The following PCDHAC1 variants were observed in gnomAD, a reference collection of about 807,000 sequenced individuals.
PCDHAC1 encodes protocadherin alpha subfamily C, 1.
Under a neutral mutation model 60.0 loss-of-function variants are expected in PCDHAC1, and 42 were observed. The ratio of observed to expected loss-of-function variants is 0.70; its 90% CI spans 0.55 to 0.90. PCDHAC1 has a LOEUF of 0.90. PCDHAC1 is among the 40% of genes least tolerant of loss of function. PCDHAC1 has a pLI of 0.00. For missense variants in PCDHAC1, 1,160 were observed against 1,222.3 expected (o/e 0.95, Z 0.76); for synonymous variants, 468 against 499.3 (o/e 0.94, Z 0.84).
At chr5:140,974,320 CT>C (rs2096622624) in intron 1 of PCDHAC1, among the ~76,000 whole-genome samples, 1 of 152,206 alleles carries the variant, frequency 6.6e-6, no homozygotes, top group Non-Finnish European at 1.5e-5. Context: ...GAGAGAGTAG[CT>C]GCTGTGCTAG....
At chr5:140,979,922 A>T (rs1317860679) in intron 2 of PCDHAC1, among the ~76,000 whole-genome samples, 1 of 152,276 alleles carries the variant, frequency 6.6e-6, no homozygotes, top group Non-Finnish European at 1.5e-5. Flanking sequence ...GAGAAAGCCT[A>T]CAAAGTATGT....
chr5:140,964,556 G>A (rs2095839745), intron 1 of PCDHAC1, among the ~76,000 whole-genome samples: 1 of 152,166 alleles, frequency 6.6e-6, no homozygotes. Context: ...GCGACTTGGA[G>A]GGCTGGGAGG....
intron 1 of PCDHAC1, among the ~76,000 whole-genome samples, chr5:140,947,710 A>G (rs2094165762): frequency 6.6e-6 from 1 of 151,556 alleles, no homozygotes; most frequent in African/African-American, 2.4e-5. Context: ...TTAAGTATTG[A>G]GGTTTCAAAA....
intron 1 of PCDHAC1, among the ~76,000 whole-genome samples, chr5:140,950,723 A>G (rs1478275346): frequency 1.3e-5 from 2 of 151,984 alleles, no homozygotes; most frequent in African/African-American, 4.8e-5. Flanking sequence ...ATATCCTTAA[A>G]TTTTTTAATC....
chr5:140,993,462 T>TCACACACACACA (rs3836747), intron 3 of PCDHAC1, among the ~76,000 whole-genome samples: 55 of 141,044 alleles, frequency 3.9e-4, no homozygotes, highest in Non-Finnish European at 5.3e-4. Context: ...TCTTTCTTTC[T>TCACACACACACA]CACACACACA....
At chr5:141,009,455 A>G in intron 3 of PCDHAC1, 172 bp from the exon 4 acceptor site, 1 of 946,862 alleles carries the variant, frequency 1.1e-6, no homozygotes, top group Non-Finnish European at 1.3e-6. Flanking sequence ...AAAAAATTAA[A>G]CAAATAAATA....
Position 140,982,498 on chromosome 5 carries a change from G to A in PCDHAC1, c.2516G>A (p.Gly839Asp), listed in dbSNP as rs782347331. The change falls in exon 3 of 4, where the codon GGC becomes GAC. Residue 839 changes from glycine to aspartate, a missense_variant. By Grantham distance (94) the Gly-to-Asp change is moderately conservative. Transcript: ENST00000253807. ...AGCTCTGTGCACCTAGAGGAGGCTG[G>A]CATTCTACGGGCTGGTCCAGGAGGG... Reference protein sequence around the residue: ...MHSSVHLEEAGILRAGPGGPD... With the variant: ...MHSSVHLEEADILRAGPGGPD... 6 of 1,614,062 alleles carry A rather than the reference G, an allele frequency of 3.7e-6. No homozygotes were observed. The Admixed American group carries it at 5.0e-5, about 13-fold the overall frequency.
chr5:140,981,864 T>C (rs1554243477), intron 2 of PCDHAC1, among the ~76,000 whole-genome samples: 3 of 152,294 alleles, frequency 2.0e-5, no homozygotes, highest in African/African-American at 7.2e-5. Context: ...CCCAGCAATG[T>C]TTTATGCTGA....
chr5:141,002,261 C>A (rs373363788), intron 3 of PCDHAC1, among the ~76,000 whole-genome samples: 1 of 152,224 alleles, frequency 6.6e-6, no homozygotes, highest in East Asian at 1.9e-4. Context: ...CACTGAAATC[C>A]CAGAGCTGGT....
rs555714516 is a variant in PCDHAC1, at chr5:140,983,025, A to T, written c.2581+462A>T. Among the ~76,000 whole-genome samples the T allele has an allele frequency of 9.9e-5, 15 of 151,964 alleles. 1 individual carries two copies. The South Asian group carries it at 2.9e-3, about 29-fold the overall frequency. ...AAGAAAAAGGAAGGAAGGAAGGAAG[A>T]TGGTTTCTCATGGAAGTGGAAAATT... On this transcript the variant is annotated intron_variant, in intron 3 of 3. Coordinates refer to ENST00000253807, the MANE Select transcript of PCDHAC1 (RefSeq NM_018898.5).
In PCDHAC1 at chr5:140,927,681, G is replaced by A; in HGVS notation, c.789G>A (p.Gly263=). ...TTCAAGCCTTGGATCCAGATGAAGG[G>A]TCCAATGGGGAAGTCCAGTACTCCC... ...FRVQALDPDE[G]SNGEVQYSLS... The change falls in exon 1 of 4, where the codon GGG becomes GGA. Residue 263 remains glycine, a synonymous_variant. Coordinates refer to ENST00000253807, the MANE Select transcript of PCDHAC1 (RefSeq NM_018898.5). 1 of 1,614,180 alleles carries A rather than the reference G, an allele frequency of 6.2e-7. No individual in the cohort carries two copies. Among genetic ancestry groups the A allele is most frequent in the Non-Finnish European group, 8.5e-7 (1 of 1,180,020 alleles).
intron 2 of PCDHAC1, among the ~76,000 whole-genome samples, chr5:140,979,807 A>G (rs376087021): frequency 1.3e-4 from 20 of 152,376 alleles, no homozygotes; most frequent in African/African-American, 4.1e-4. Flanking sequence ...CACAACTATC[A>G]AAAGGATTTA....
At chr5:140,955,460 C>G (rs1051253944) in intron 1 of PCDHAC1, among the ~76,000 whole-genome samples, 2 of 152,000 alleles carry the variant, frequency 1.3e-5, no homozygotes, top group Non-Finnish European at 2.9e-5. Flanking sequence ...GGGCTTTTTC[C>G]TTTTTGCTTG....
chr5:140,959,578 A>G (rs1554224156), intron 1 of PCDHAC1, among the ~76,000 whole-genome samples: 1 of 152,188 alleles, frequency 6.6e-6, no homozygotes, highest in Non-Finnish European at 1.5e-5. Flanking sequence ...TTTTGTTTCA[A>G]TTCTATCAGC....
In PCDHAC1 at chr5:140,927,655, G is replaced by C. The variant is rs782653279; in HGVS notation, c.763G>C (p.Val255Leu). The change falls in exon 1 of 4, where the codon GTT (valine) becomes CTT (leucine). Residue 255 changes from valine (V) to leucine (L), a missense_variant. Transcript: ENST00000253807. Reference sequence around the variant, plus strand: ...ACCCAATGGGACTGTGTTATTCCGAGTTCAAGCCTTGGATCCAGATGAAGG... The same window carrying C: ...ACCCAATGGGACTGTGTTATTCCGACTTCAAGCCTTGGATCCAGATGAAGG... Reference protein sequence around the residue: ...TAPNGTVLFRVQALDPDEGSN... With the variant: ...TAPNGTVLFRLQALDPDEGSN... The C allele has an allele frequency of 1.2e-5, 20 of 1,614,130 alleles. No individual in the cohort carries two copies. In the Admixed American group the frequency reaches 2.3e-4, roughly 19 times the overall value.
chr5:140,947,107 G>A (rs1041048233), intron 1 of PCDHAC1, among the ~76,000 whole-genome samples: 12 of 151,202 alleles, frequency 7.9e-5, no homozygotes, highest in South Asian at 4.2e-4. Flanking sequence ...AAATAGGTAC[G>A]TGTCAATTAA....
rs1420585785 is a variant in PCDHAC1 at position 140,926,536 on chromosome 5, G to T, written c.-357G>T. The T allele has an allele frequency of 4.6e-6, 1 of 217,790 alleles. No individual in the cohort carries two copies. 13.5% of individuals were successfully genotyped at this position (217,790 alleles called of 1,614,324 possible). ...GCTCCGCCCTGCGCCCGCAGCCAGC[G>T]TGGTGGTCGAGACCCCAGCCCGCTG... On this transcript the variant is annotated 5_prime_UTR_variant, in exon 1 of 4. Coordinates refer to ENST00000253807, the MANE Select transcript of PCDHAC1 (RefSeq NM_018898.5).
chr5:140,998,042 C>T (rs187874119), intron 3 of PCDHAC1, among the ~76,000 whole-genome samples: 21 of 152,284 alleles, frequency 1.4e-4, no homozygotes, highest in Non-Finnish European at 2.2e-4. Flanking sequence ...TGTCACTTAA[C>T]TCAGTGACAT....
chr5:140,992,414 G>T (rs868994021), intron 3 of PCDHAC1, among the ~76,000 whole-genome samples: 1 of 152,128 alleles, frequency 6.6e-6, no homozygotes, highest in African/African-American at 2.4e-5. Flanking sequence ...TCTGCCCCAG[G>T]TCTAAGAATA....
Sources: gnomAD v4.1 joint callset for allele counts (sites outside exome capture counted in the v4.1 genomes callset) on GRCh38, gnomAD v4.1.1 for gene constraint, MANE v1.5 for transcripts, NCBI Gene and HGNC (gene_info 2026-07-23, HGNC 2026-07-21) for gene names.